IMMP2L: variants seen among roughly 807,000 people sequenced by gnomAD.
IMMP2L encodes the protein mitochondrial inner membrane protease subunit 2.
Under a neutral mutation model 19.3 loss-of-function variants are expected in IMMP2L, and 18 were observed. That is an observed-to-expected ratio of 0.93 (90% CI 0.64 to 1.38). The LOEUF (loss-of-function observed/expected upper bound fraction) is 1.38. IMMP2L is among the 40% of genes most tolerant of loss of function. The pLI is 0.00. For synonymous variants in IMMP2L, 76 were observed against 73.0 expected (o/e 1.04, Z -0.21); for missense variants, 233 against 218.2 (o/e 1.07, Z -0.43).
chr7:111,023,420 G>C (rs1056407531), intron 3 of IMMP2L, among the ~76,000 whole-genome samples: 37 of 152,078 alleles, frequency 2.4e-4, no homozygotes, highest in African/African-American at 8.5e-4. Context: ...AAGTTTATGG[G>C]CTGGGAGCGG....
intron 3 of IMMP2L, among the ~76,000 whole-genome samples, chr7:111,402,995 C>A (rs563277292): frequency 5.1e-4 from 47 of 92,178 alleles, no homozygotes; most frequent in African/African-American, 1.8e-3. Flanking sequence ...GCCTTGACCC[C>A]CCCCCCCCAC....
chr7:111,461,401 C>T (rs1294065205), intron 3 of IMMP2L, among the ~76,000 whole-genome samples: 1 of 152,056 alleles, frequency 6.6e-6, no homozygotes, highest in East Asian at 1.9e-4. Flanking sequence ...AATACACACA[C>T]ACATACACGC....
intron 3 of IMMP2L, among the ~76,000 whole-genome samples, chr7:111,433,513 G>A (rs1007774173): frequency 1.3e-5 from 2 of 151,782 alleles, no homozygotes; most frequent in Non-Finnish European, 2.9e-5. Context: ...TCACTACAAT[G>A]AGAACTGAAT....
At chr7:111,500,571 G>A (rs1408137327) in intron 2 of IMMP2L, among the ~76,000 whole-genome samples, 2 of 152,170 alleles carry the variant, frequency 1.3e-5, no homozygotes, top group Non-Finnish European at 2.9e-5. Flanking sequence ...CGGGCAGACT[G>A]ACACCTCACA....
chr7:111,343,283 T>C (rs1279272662), intron 3 of IMMP2L, among the ~76,000 whole-genome samples: 1 of 151,944 alleles, frequency 6.6e-6, no homozygotes, highest in Non-Finnish European at 1.5e-5. Flanking sequence ...GCTCTTGGAG[T>C]ATTATAACAT....
At chr7:110,899,151 T>C (rs1020690278) in intron 4 of IMMP2L, among the ~76,000 whole-genome samples, 10 of 152,322 alleles carry the variant, frequency 6.6e-5, no homozygotes, top group Middle Eastern at 3.4e-3. Flanking sequence ...ATCTTTTGAA[T>C]GACCTTTGCA....
chr7:110,695,135 C>G (rs1369101075), intron 5 of IMMP2L, among the ~76,000 whole-genome samples: 1 of 152,064 alleles, frequency 6.6e-6, no homozygotes, highest in Non-Finnish European at 1.5e-5. Context: ...TGGAAGTAGA[C>G]ATAGTGGTTG....
intron 3 of IMMP2L, among the ~76,000 whole-genome samples, chr7:111,206,578 A>G (rs1255548602): frequency 6.6e-6 from 1 of 152,172 alleles, no homozygotes; most frequent in Non-Finnish European, 1.5e-5. Flanking sequence ...GACATACAAT[A>G]TACAATGTAT....
intron 3 of IMMP2L, among the ~76,000 whole-genome samples, chr7:111,465,732 G>A (rs1840587202): frequency 1.3e-5 from 2 of 152,068 alleles, no homozygotes; most frequent in African/African-American, 4.8e-5. Context: ...TGGTGGGACT[G>A]TAAACTAGTT....
Position 111,522,130 on chromosome 7 carries a change from T to TA in IMMP2L, c.-2-682dup, listed in dbSNP as rs547661662. On this transcript the variant is annotated intron_variant, in intron 1 of 5. Transcript: ENST00000405709. ...AGGCACCATACTGTCCTGCATTGCT[T>TA]ACATTTGGACTGTTAAATCACAGAT... Among the ~76,000 whole-genome samples, 23 of 152,252 alleles carry TA rather than the reference T, an allele frequency of 1.5e-4. 2 individuals carry two copies. The East Asian group carries it at 2.3e-3, about 15-fold the overall frequency.
chr7:110,937,292 G>A (rs1418592269), intron 4 of IMMP2L, among the ~76,000 whole-genome samples: 1 of 152,162 alleles, frequency 6.6e-6, no homozygotes, highest in African/African-American at 2.4e-5. Context: ...AGGTAGGGTG[G>A]TGATGTGAAT....
intron 5 of IMMP2L, among the ~76,000 whole-genome samples, chr7:110,846,585 C>T (rs781244373): frequency 1.3e-5 from 2 of 151,960 alleles, no homozygotes; most frequent in East Asian, 1.9e-4. Flanking sequence ...AGGCTGGTCT[C>T]GAACTCCTGA....
intron 3 of IMMP2L, among the ~76,000 whole-genome samples, chr7:111,285,558 A>G (rs1820393390): frequency 6.6e-6 from 1 of 152,198 alleles, no homozygotes; most frequent in African/African-American, 2.4e-5. Flanking sequence ...TCAGAATCAT[A>G]CAAGAATTAC....
intron 3 of IMMP2L, among the ~76,000 whole-genome samples, chr7:111,201,962 T>C (rs1006859442): frequency 1.3e-5 from 2 of 152,214 alleles, no homozygotes; most frequent in Non-Finnish European, 1.5e-5. Flanking sequence ...AGAAATAAAG[T>C]TCTGTTGTTT....
intron 3 of IMMP2L, among the ~76,000 whole-genome samples, chr7:111,259,298 T>C (rs1240398524): frequency 6.6e-6 from 1 of 152,036 alleles, no homozygotes; most frequent in Non-Finnish European, 1.5e-5. Flanking sequence ...TTATAAACAC[T>C]GTACATTTAG....
intron 3 of IMMP2L, among the ~76,000 whole-genome samples, chr7:111,208,313 A>G (rs1810944456): frequency 6.6e-6 from 1 of 152,224 alleles, no homozygotes; most frequent in Admixed American, 6.5e-5. Flanking sequence ...ATAGGCCAAG[A>G]AAAGGGAACG....
chr7:110,816,917 T>A (rs1005815360), intron 5 of IMMP2L, among the ~76,000 whole-genome samples: 1 of 152,168 alleles, frequency 6.6e-6, no homozygotes, highest in East Asian at 1.9e-4. Context: ...TGACTCTTTA[T>A]CCAATTTGCC....
intron 4 of IMMP2L, among the ~76,000 whole-genome samples, chr7:110,887,252 T>C (rs539086072): frequency 6.6e-6 from 1 of 152,122 alleles, no homozygotes; most frequent in Non-Finnish European, 1.5e-5. Context: ...TGAAAATTTT[T>C]AACCAGCACT....
intron 3 of IMMP2L, among the ~76,000 whole-genome samples, chr7:111,434,609 A>G (rs1836964714): frequency 6.6e-6 from 1 of 151,454 alleles, no homozygotes; most frequent in Admixed American, 6.6e-5. Context: ...GCAGTGGCGC[A>G]ATCTTGGCTC....
Sources: gnomAD v4.1 joint callset for allele counts (sites outside exome capture counted in the v4.1 genomes callset) on GRCh38, gnomAD v4.1.1 for gene constraint, MANE v1.5 for transcripts, NCBI Gene and HGNC (gene_info 2026-07-23, HGNC 2026-07-21) for gene names.